Variants in MAN2A2 observed in about 807,000 individuals in gnomAD.
The protein encoded by MAN2A2 is mannosidase alpha class 2A member 2.
A neutral mutation model predicts 126.8 loss-of-function variants in MAN2A2; 79 were observed. That is an observed-to-expected ratio of 0.62 (90% CI 0.52 to 0.75). The LOEUF (loss-of-function observed/expected upper bound fraction) is 0.75, where lower values mean the gene tolerates loss of function less well. MAN2A2 is among the 30% of genes least tolerant of loss of function. The pLI is 0.00. For synonymous variants in MAN2A2, 671 were observed against 618.7 expected (o/e 1.08, Z -1.25); for missense variants, 1,392 against 1,522.4 (o/e 0.91, Z 1.43).
At position 90,910,847 on chromosome 15, in the gene MAN2A2, G is replaced by T. The variant is rs2034670902; in HGVS notation, c.1761G>T (p.Arg587Ser). 2 of 1,613,416 alleles carry T rather than the reference G, an allele frequency of 1.2e-6. No homozygotes were observed. The highest frequency in any genetic ancestry group is 1.3e-5 in the African/African-American group (1 of 74,892). The change falls in exon 12 of 23, where the codon AGG (arginine) becomes AGT (serine). Residue 587 changes from arginine (R) to serine (S), a missense_variant and splice_region_variant. By Grantham distance (110) the Arg-to-Ser change is moderately radical (BLOSUM62 -1). Coordinates refer to ENST00000559717, the MANE Select transcript of MAN2A2 (RefSeq NM_006122.4). ...KEAVVVDYGV[R>S]LLRSLVNLKQ... The stretch of plus-strand genomic sequence containing the variant: ...CTTCCCTCTCCTGCGCCACCCACAG[G>T]CTTCTGCGCTCCCTTGTCAACCTGA...
Position 90,912,165 on chromosome 15 carries a change from C to G in MAN2A2, c.2232C>G (p.Ser744=). ...TCTACCTGCACGGCCGGCAGCTGTC[C>G]GTCAGCAGGCACGAAGCGTTTCCTC... ...VRIYLHGRQL[S]VSRHEAFPLR... The change falls in exon 15 of 23, where the codon TCC becomes TCG. Residue 744 remains serine, a synonymous_variant. Coordinates refer to ENST00000559717, the MANE Select transcript of MAN2A2 (RefSeq NM_006122.4). The G allele has an allele frequency of 6.2e-7, 1 of 1,614,004 alleles. No individual in the cohort carries two copies. The highest frequency in any genetic ancestry group is 8.5e-7 in the Non-Finnish European group (1 of 1,179,962).
chr15:90,916,903 C>T (rs1052949900), intron 20 of MAN2A2, among the ~76,000 whole-genome samples: 29 of 152,178 alleles, frequency 1.9e-4, no homozygotes, highest in African/African-American at 5.8e-4. Context: ...GGCTTTGTCT[C>T]ACTGATCCTG....
chr15:90,906,749 C>G lies in MAN2A2; in HGVS notation c.845C>G (p.Pro282Arg), dbSNP rs1161928759. 1 of 1,612,026 alleles carries G rather than the reference C, an allele frequency of 6.2e-7. No individual in the cohort carries two copies. The highest frequency in any genetic ancestry group is 8.5e-7 in the Non-Finnish European group (1 of 1,179,936). Residue 282 changes from proline (P) to arginine (R), a missense_variant, in exon 7 of 23, where the codon CCC becomes CGC. Physicochemically the swap from Pro to Arg is moderately radical, Grantham distance 103. Transcript: ENST00000559717. ...TCCATGCCCTGCCCAGGTGCAACCC[C>G]CCGCTCTGGCTGGGCAGTGGACCCC... The part of the protein sequence containing the change: ...QWLERNLGAT[P>R]RSGWAVDPFG...
chr15:90,909,435 G>A lies in MAN2A2; in HGVS notation c.1305G>A (p.Trp435Ter). ...DDFRYDKPQE[W>*]DAQFFNYQRL... is the part of the protein sequence containing the mutation. ...TCCGATATGACAAGCCCCAGGAGTG[G>A]GATGCCCAGTTCTTCAACTACCAAC... The change falls in exon 9 of 23, where the codon TGG (tryptophan) becomes TGA (stop). Residue 435 changes from tryptophan (W) to a stop codon, truncating the protein, a stop_gained. Transcript: ENST00000559717. LOFTEE classifies it high-confidence loss of function. 6.2e-7 allele frequency: 1 copy of A among 1,614,084 alleles called. No individual in the cohort carries two copies. The highest frequency in any genetic ancestry group is 8.5e-7 in the Non-Finnish European group (1 of 1,179,996).
chr15:90,905,125 G>A (rs1032466015), intron 2 of MAN2A2, 126 bp from the exon 3 acceptor site: 2 of 1,016,258 alleles, frequency 2.0e-6, no homozygotes, highest in African/African-American at 3.2e-5. Context: ...TATCCCTCTA[G>A]GCTCATGGTC....
intron 8 of MAN2A2, among the ~76,000 whole-genome samples, chr15:90,907,846 C>G (rs1165066491): frequency 1.3e-5 from 2 of 152,188 alleles, no homozygotes; most frequent in African/African-American, 4.8e-5. Context: ...CCACGAGAAT[C>G]CTGTTCAGAT....
chr15:90,919,999 G>C lies in MAN2A2; in HGVS notation c.*212G>C. 1.7e-6 allele frequency: 1 copy of C among 571,462 alleles called. No homozygotes were observed. The highest frequency in any genetic ancestry group is 3.1e-6 in the Non-Finnish European group (1 of 326,454). 35.4% of individuals were successfully genotyped at this position (571,462 alleles called of 1,614,324 possible). ...GGGTAAATAGGGCAGACGCCAGTGA[G>C]ATCAGGGAGAGAAGGCCCTTGGTCA... On this transcript the variant is annotated 3_prime_UTR_variant, in exon 23 of 23. Coordinates refer to ENST00000559717, the MANE Select transcript of MAN2A2 (RefSeq NM_006122.4).
Position 90,922,188 on chromosome 15 carries a change from AAATC to A in MAN2A2, c.*2404_*2407del, listed in dbSNP as rs2035573209. 6.6e-6 allele frequency: 1 copy of A among 152,230 alleles called. No homozygotes were observed. Among genetic ancestry groups the A allele is most frequent in the Non-Finnish European group, 1.5e-5 (1 of 68,040 alleles). 9.4% of individuals were successfully genotyped at this position (152,230 alleles called of 1,614,324 possible). A position where few individuals can be genotyped will look rare whatever the true frequency, so the allele number is the denominator to read the frequency against. On this transcript the variant is annotated 3_prime_UTR_variant, in exon 23 of 23. Coordinates refer to ENST00000559717, the MANE Select transcript of MAN2A2 (RefSeq NM_006122.4). Reference sequence around the variant, plus strand: ...AAGAAAATATTTGCAGCACATAAAAAAATCAACGAGTACAATTACTTTAGGAGAA... The same window carrying A: ...AAGAAAATATTTGCAGCACATAAAAAAACGAGTACAATTACTTTAGGAGAA...
In MAN2A2 at chr15:90,905,408, C is replaced by G. The variant is rs751392603; in HGVS notation, c.290C>G (p.Ser97Cys). The G allele has an allele frequency of 6.2e-7, 1 of 1,613,852 alleles. No homozygotes were observed. Among genetic ancestry groups the G allele is most frequent in the Admixed American group, 1.7e-5 (1 of 60,024 alleles). Residue 97 changes from serine (S) to cysteine (C), a missense_variant, in exon 3 of 23, where the codon TCC becomes TGC. Physicochemically the swap from Ser to Cys is moderately radical, Grantham distance 112 (BLOSUM62 -1). Coordinates refer to ENST00000559717, the MANE Select transcript of MAN2A2 (RefSeq NM_006122.4). ...AMLPYYTVNG[S>C]WVVPPEPRPS... ...CTGCCCTACTACACGGTCAATGGCT[C>G]CTGGGTGGTGCCACCGGAGCCCCGG...
Position 90,906,467 on chromosome 15 carries a change from G to A in MAN2A2, c.805G>A (p.Glu269Lys), listed in dbSNP as rs2034293275. Residue 269 changes from glutamate (E) to lysine (K), a missense_variant, in exon 6 of 23, where the codon GAA becomes AAA. Coordinates refer to ENST00000559717, the MANE Select transcript of MAN2A2 (RefSeq NM_006122.4). The part of the protein sequence containing the change: ...HYFALIDQLI[E>K]GHQWLERNLG... Reference sequence around the variant, plus strand: ...CTTTGCATTGATTGACCAGCTCATCGAAGGACACCAGTGGCTGGAGAGAAA... The same window carrying A: ...CTTTGCATTGATTGACCAGCTCATCAAAGGACACCAGTGGCTGGAGAGAAA... 10 of 1,614,170 alleles carry A rather than the reference G, an allele frequency of 6.2e-6. No homozygotes were observed. Among genetic ancestry groups the A allele is most frequent in the Non-Finnish European group, 7.6e-6 (9 of 1,180,004 alleles).
Position 90,904,220 on chromosome 15 carries a change from A to G in MAN2A2, c.13A>G (p.Lys5Glu), listed in dbSNP as rs970300113. MKLK[K>E]QVTVCGAAIF... The stretch of plus-strand genomic sequence containing the variant: ...TGTGGAGGCCAGTATGAAGCTGAAA[A>G]AGCAGGTGACAGTGTGTGGGGCTGC... The change falls in exon 2 of 23, where the codon AAG (lysine) becomes GAG (glutamate). Residue 5 changes from lysine to glutamate, a missense_variant. Physicochemically the swap from Lys to Glu is moderately conservative, Grantham distance 56. Coordinates refer to ENST00000559717, the MANE Select transcript of MAN2A2 (RefSeq NM_006122.4). 3 of 1,614,018 alleles carry G rather than the reference A, an allele frequency of 1.9e-6. No homozygotes were observed. Among genetic ancestry groups the G allele is most frequent in the Non-Finnish European group, 2.5e-6 (3 of 1,180,026 alleles).
At chr15:90,905,763 T>C (rs768401548) in intron 4 of MAN2A2, 40 bp downstream of exon 4, 5 of 1,609,082 alleles carry the variant, frequency 3.1e-6, no homozygotes, top group Non-Finnish European at 4.2e-6. Flanking sequence ...GAGTGTGGAG[T>C]GGGATTTCTG....
chr15:90,904,132 G>A, intron 1 of MAN2A2, 58 bp from the exon 2 acceptor site: 1 of 1,598,794 alleles, frequency 6.3e-7, no homozygotes, highest in South Asian at 1.1e-5. Flanking sequence ...GTATTTGGTG[G>A]AAAGACTGCC....
intron 8 of MAN2A2, among the ~76,000 whole-genome samples, chr15:90,908,128 A>G (rs899813579): frequency 1.3e-5 from 2 of 152,252 alleles, no homozygotes; most frequent in Admixed American, 6.5e-5. Context: ...TTTTGTTTCC[A>G]GAAGTCTAAA....
In MAN2A2 at chr15:90,910,146, G is replaced by A. The variant is rs369537668; in HGVS notation, c.1431G>A (p.Val477=). 3 of 1,613,982 alleles carry A rather than the reference G, an allele frequency of 1.9e-6. No individual in the cohort carries two copies. In the African/African-American group the frequency reaches 4.0e-5, roughly 22 times the overall value. ...ATGCCCTGTACAAGAGGACAGGGGTGGAGCCAGGGGCCCGGCCTCCAGGGT... is the reference window on the plus strand; with the variant it reads ...ATGCCCTGTACAAGAGGACAGGGGTAGAGCCAGGGGCCCGGCCTCCAGGGT... ...YFDALYKRTG[V]EPGARPPGFP... The change falls in exon 10 of 23, where the codon GTG becomes GTA. Residue 477 remains valine, a synonymous_variant. Coordinates refer to ENST00000559717, the MANE Select transcript of MAN2A2 (RefSeq NM_006122.4).
chr15:90,910,368 C>G, intron 10 of MAN2A2, 76 bp downstream of exon 10: 1 of 1,587,262 alleles, frequency 6.3e-7, no homozygotes, highest in Admixed American at 1.7e-5. Flanking sequence ...TGGATTGGCT[C>G]AGAAGGGAAT....
rs377521549 is a variant in MAN2A2 at position 90,912,873 on chromosome 15, C to G, written c.2470-4C>G. Reference sequence around the variant, plus strand: ...GTTTCAACAGCAATCTGCTCTTTCTCTAGCCCTACGTCCCCAAGGAGCCCC... The same window carrying G: ...GTTTCAACAGCAATCTGCTCTTTCTGTAGCCCTACGTCCCCAAGGAGCCCC... On this transcript the variant is annotated splice_region_variant and splice_polypyrimidine_tract_variant and intron_variant, in intron 16 of 22. Coordinates refer to ENST00000559717, the MANE Select transcript of MAN2A2 (RefSeq NM_006122.4). 10 of 1,612,290 alleles carry G rather than the reference C, an allele frequency of 6.2e-6. No homozygotes were observed. Among genetic ancestry groups the G allele is most frequent in the Non-Finnish European group, 8.5e-6 (10 of 1,178,530 alleles).
chr15:90,909,759 A>G (rs2034581026), intron 9 of MAN2A2, among the ~76,000 whole-genome samples: 1 of 152,084 alleles, frequency 6.6e-6, no homozygotes, highest in Admixed American at 6.6e-5. Flanking sequence ...GCCTGCCATC[A>G]CACCCAGCTA....
chr15:90,912,656 G>A lies in MAN2A2; in HGVS notation c.2461G>A (p.Glu821Lys), dbSNP rs779403878. 4 of 1,614,084 alleles carry A rather than the reference G, an allele frequency of 2.5e-6. No homozygotes were observed. The highest frequency in any genetic ancestry group is 1.7e-5 in the Admixed American group (1 of 60,030). Residue 821 changes from glutamate to lysine, a missense_variant, in exon 16 of 23, where the codon GAG (glutamate) becomes AAG (lysine). Physicochemically the swap from Glu to Lys is moderately conservative, Grantham distance 56. Transcript: ENST00000559717. The part of the protein sequence containing the change: ...SGAYLFLPDG[E>K]AKPYVPKEPP... ...AGCCTACCTCTTCCTGCCCGATGGCGAGGCCAAGGTATCCTAAAGATGCCT... is the reference window on the plus strand; with the variant it reads ...AGCCTACCTCTTCCTGCCCGATGGCAAGGCCAAGGTATCCTAAAGATGCCT...
Sources: gnomAD v4.1 joint callset for allele counts (sites outside exome capture counted in the v4.1 genomes callset) on GRCh38, gnomAD v4.1.1 for gene constraint, MANE v1.5 for transcripts, NCBI Gene and HGNC (gene_info 2026-07-23, HGNC 2026-07-21) for gene names.